Variants in CYBRD1 observed in about 807,000 individuals in gnomAD.
CYBRD1 encodes cytochrome b reductase 1.
Under a neutral mutation model 21.9 loss-of-function variants are expected in CYBRD1, and 14 were observed. That is an observed-to-expected ratio of 0.64 (90% confidence interval 0.42 to 1.00). The LOEUF is 1.00. Ranked by LOEUF, CYBRD1 falls within the 50% of genes least tolerant of loss-of-function variation. CYBRD1 has a pLI of 0.00. For synonymous variants in CYBRD1, 146 were observed against 136.5 expected (o/e 1.07, Z -0.48); for missense variants, 328 against 352.5 (o/e 0.93, Z 0.56).
intron 2 of CYBRD1, among the ~76,000 whole-genome samples, chr2:171,552,787 A>C (rs1189959572): frequency 6.6e-6 from 1 of 152,246 alleles, no homozygotes. Context: ...TTTCTTTCTC[A>C]TAAAACAAAA....
intron 2 of CYBRD1, among the ~76,000 whole-genome samples, chr2:171,549,541 T>C (rs1574444107): frequency 6.6e-6 from 1 of 152,068 alleles, no homozygotes; most frequent in South Asian, 2.1e-4. Flanking sequence ...CCACAAGGAG[T>C]AGAACCTCTG....
At chr2:171,547,055 C>T (rs751904843) in intron 2 of CYBRD1, among the ~76,000 whole-genome samples, 9 of 151,982 alleles carry the variant, frequency 5.9e-5, no homozygotes, top group East Asian at 3.9e-4. Flanking sequence ...AGAATTAATG[C>T]GTGATGTAAA....
chr2:171,554,206 G>A (rs939700062), intron 3 of CYBRD1, among the ~76,000 whole-genome samples: 1 of 152,174 alleles, frequency 6.6e-6, no homozygotes, highest in African/African-American at 2.4e-5. Flanking sequence ...ACTTAGATGT[G>A]GAAAGTTGGG....
intron 1 of CYBRD1, among the ~76,000 whole-genome samples, chr2:171,526,004 C>T (rs55871360): frequency 0.053 from 7,930 of 149,524 alleles, 826 homozygotes; most frequent in East Asian, 0.52. Flanking sequence ...CGGTGGCTTA[C>T]GCCTATAATC....
At chr2:171,528,761 A>G (rs1375048253) in intron 1 of CYBRD1, among the ~76,000 whole-genome samples, 1 of 152,186 alleles carries the variant, frequency 6.6e-6, no homozygotes, top group East Asian at 1.9e-4. Flanking sequence ...TCCAAATCTC[A>G]GCTCTTGATC....
Position 171,555,781 on chromosome 2 carries a change from G to A in CYBRD1, c.*954G>A, listed in dbSNP as rs1683474968. ...TACTGTTCCCATTTTACAGGTGAGA[G>A]ATTTGAAGCCTGGGGAGGCTAGTAA... On this transcript the variant is annotated 3_prime_UTR_variant, in exon 4 of 4. Transcript: ENST00000321348. The A allele has an allele frequency of 6.6e-6, 1 of 152,256 alleles. No homozygotes were observed. Among genetic ancestry groups the A allele is most frequent in the African/African-American group, 2.4e-5 (1 of 41,452 alleles). The allele number at this position is 152,256 out of a possible 1,614,324, so 9.4% of individuals were successfully genotyped here.
chr2:171,528,232 T>C (rs2105329947), intron 1 of CYBRD1, among the ~76,000 whole-genome samples: 1 of 152,184 alleles, frequency 6.6e-6, no homozygotes, highest in East Asian at 1.9e-4. Context: ...ATTACAGGTA[T>C]GCACCACGAT....
Position 171,556,744 on chromosome 2 carries a change from T to G in CYBRD1, c.*1917T>G, listed in dbSNP as rs1278331801. ...GAAGGATCCCCAGTACCCAGCCCTCTGCCTGGCACAAAGTGGTAGCACAAT... is the reference window on the plus strand; with the variant it reads ...GAAGGATCCCCAGTACCCAGCCCTCGGCCTGGCACAAAGTGGTAGCACAAT... On this transcript the variant is annotated 3_prime_UTR_variant, in exon 4 of 4. Coordinates refer to ENST00000321348, the MANE Select transcript of CYBRD1 (RefSeq NM_024843.4). 3.9e-5 allele frequency: 6 copies of G among 152,240 alleles called. No individual in the cohort carries two copies. The highest frequency in any genetic ancestry group is 9.6e-5 in the African/African-American group (4 of 41,452). 9.4% of individuals were successfully genotyped at this position (152,240 alleles called of 1,614,324 possible). A position where few individuals can be genotyped will look rare whatever the true frequency, so the allele number is the denominator to read the frequency against.
Position 171,555,399 on chromosome 2 carries a change from A to G in CYBRD1, c.*572A>G, listed in dbSNP as rs182990937. ...TCCCTCCCCAGCTGGTTTGGGCTCA[A>G]ATTGTCCCTGGAGACTAGGGTTTAT... On this transcript the variant is annotated 3_prime_UTR_variant, in exon 4 of 4. Transcript: ENST00000321348. 122 of 158,632 alleles carry G rather than the reference A, an allele frequency of 7.7e-4. No homozygotes were observed. Among genetic ancestry groups the G allele is most frequent in the Non-Finnish European group, 1.4e-3 (98 of 72,210 alleles). The allele number at this position is 158,632 out of a possible 1,614,324, so 9.8% of individuals were successfully genotyped here. A position where few individuals can be genotyped will look rare whatever the true frequency, so the allele number is the denominator to read the frequency against.
chr2:171,553,269 A>G lies in CYBRD1; in HGVS notation c.403-77A>G, dbSNP rs1004078667. On this transcript the variant is annotated intron_variant, in intron 2 of 3. Coordinates refer to ENST00000321348, the MANE Select transcript of CYBRD1 (RefSeq NM_024843.4). ...TATGAAAGGTTTTGTCATATTACACATATTGCTTTTTAAATAATTTAAAAT... is the reference window on the plus strand; with the variant it reads ...TATGAAAGGTTTTGTCATATTACACGTATTGCTTTTTAAATAATTTAAAAT... 4 of 1,527,970 alleles carry G rather than the reference A, an allele frequency of 2.6e-6. No individual in the cohort carries two copies. The African/African-American group carries it at 4.2e-5, about 16-fold the overall frequency. 94.7% of individuals were successfully genotyped at this position (1,527,970 alleles called of 1,614,324 possible).
In CYBRD1 at chr2:171,554,528, G is replaced by T. The variant is rs1159274355; in HGVS notation, c.562G>T (p.Asp188Tyr). The T allele has an allele frequency of 6.2e-7, 1 of 1,613,848 alleles. No individual in the cohort carries two copies. The highest frequency in any genetic ancestry group is 1.1e-5 in the South Asian group (1 of 91,074). ...GATACATCTCTTATTTCATAGGAGAGATCCTGCATACAGTACATTCCCGCC... is the reference window on the plus strand; with the variant it reads ...GATACATCTCTTATTTCATAGGAGATATCCTGCATACAGTACATTCCCGCC... The part of the protein sequence containing the change: ...LTEKLIFSLR[D>Y]PAYSTFPPEG... The change falls in exon 4 of 4, where the codon GAT becomes TAT. Residue 188 changes from aspartate (D) to tyrosine (Y), a missense_variant. Transcript: ENST00000321348.
chr2:171,555,749 G>A lies in CYBRD1; in HGVS notation c.*922G>A, dbSNP rs745356961. ...TCCCCAGACAGACGGGATGAAGTAG[G>A]TATTGTTACTGTTCCCATTTTACAG... is the stretch of plus-strand genomic sequence containing the variant. On this transcript the variant is annotated 3_prime_UTR_variant, in exon 4 of 4. Transcript: ENST00000321348. The A allele has an allele frequency of 6.6e-6, 1 of 152,214 alleles. No homozygotes were observed. Among genetic ancestry groups the A allele is most frequent in the African/African-American group, 2.4e-5 (1 of 41,422 alleles). 9.4% of individuals were successfully genotyped at this position (152,214 alleles called of 1,614,324 possible). A position where few individuals can be genotyped will look rare whatever the true frequency, so the allele number is the denominator to read the frequency against.
chr2:171,552,462 C>T lies in CYBRD1; in HGVS notation c.403-884C>T, dbSNP rs573670124. ...TCCCCATTAGCCCTTGGATCTCAAT[C>T]AAGAAAGCTGAACAGTGATGTTAGT... is the stretch of plus-strand genomic sequence containing the variant. On this transcript the variant is annotated intron_variant, in intron 2 of 3. Coordinates refer to ENST00000321348, the MANE Select transcript of CYBRD1 (RefSeq NM_024843.4). Among the ~76,000 whole-genome samples, 66 of 152,276 alleles carry T rather than the reference C, an allele frequency of 4.3e-4. 1 individual carries two copies. In the South Asian group the frequency reaches 0.013, roughly 30 times the overall value.
chr2:171,547,785 T>C (rs1697738894), intron 2 of CYBRD1, among the ~76,000 whole-genome samples: 2 of 151,820 alleles, frequency 1.3e-5, no homozygotes, highest in African/African-American at 4.8e-5. Context: ...GAGTCAGACA[T>C]TTGAGGATGG....
chr2:171,527,925 A>G (rs549691295), intron 1 of CYBRD1, among the ~76,000 whole-genome samples: 3 of 151,892 alleles, frequency 2.0e-5, no homozygotes, highest in Non-Finnish European at 4.4e-5. Context: ...GCCGGTTCCA[A>G]TTAGGTTTTC....
At chr2:171,531,447 C>A (rs1219678857) in intron 1 of CYBRD1, among the ~76,000 whole-genome samples, 3 of 151,946 alleles carry the variant, frequency 2.0e-5, no homozygotes, top group Non-Finnish European at 4.4e-5. Flanking sequence ...TGGTTTCTTT[C>A]TTTTTGCTTG....
At chr2:171,530,436 G>A (rs547494179) in intron 1 of CYBRD1, among the ~76,000 whole-genome samples, 17 of 152,270 alleles carry the variant, frequency 1.1e-4, no homozygotes, top group Non-Finnish European at 1.5e-4. Flanking sequence ...TATAACCAGC[G>A]TTGCCTAATA....
intron 1 of CYBRD1, among the ~76,000 whole-genome samples, chr2:171,536,990 A>G (rs1697555431): frequency 6.6e-6 from 1 of 152,204 alleles, no homozygotes. Flanking sequence ...ATTTTAAACC[A>G]TGAATTGAGG....
At chr2:171,525,765 G>A (rs1697375632) in intron 1 of CYBRD1, among the ~76,000 whole-genome samples, 1 of 152,088 alleles carries the variant, frequency 6.6e-6, no homozygotes, top group Non-Finnish European at 1.5e-5. Context: ...AACAATATTT[G>A]AAACTAAGAA....
Sources: gnomAD v4.1 joint callset for allele counts (sites outside exome capture counted in the v4.1 genomes callset) on GRCh38, gnomAD v4.1.1 for gene constraint, MANE v1.5 for transcripts, NCBI Gene and HGNC (gene_info 2026-07-23, HGNC 2026-07-21) for gene names.